The following RMDN2 variants were observed in gnomAD, a reference collection of about 807,000 sequenced individuals.
RMDN2 encodes the protein regulator of microtubule dynamics protein 2.
Under a neutral mutation model 52.8 loss-of-function variants are expected in RMDN2, and 61 were observed. The observed-to-expected ratio is 1.16, with a 90% CI of 0.94 to 1.43. The LOEUF is 1.43. Among genes scored for constraint, RMDN2 ranks in the 40% most tolerant of loss-of-function variants. RMDN2 has a pLI of 0.00. For synonymous variants in RMDN2, 180 were observed against 153.1 expected (o/e 1.18, Z -1.30); for missense variants, 592 against 475.3 (o/e 1.25, Z -2.28).
intron 6 of RMDN2, among the ~76,000 whole-genome samples, chr2:37,990,906 A>G (rs542456496): frequency 6.6e-6 from 1 of 152,298 alleles, no homozygotes; most frequent in African/African-American, 2.4e-5. Context: ...AGCTCACCTC[A>G]GAATCAGTAA....
intron 2 of RMDN2, among the ~76,000 whole-genome samples, chr2:37,972,160 A>T (rs1424554615): frequency 1.3e-5 from 2 of 152,292 alleles, no homozygotes; most frequent in East Asian, 3.9e-4. Flanking sequence ...TTTTGCTGAT[A>T]TGTAGAAATT....
chr2:38,027,215 T>TTTC (rs1249962282), intron 10 of RMDN2: 1 of 152,256 alleles, frequency 6.6e-6, no homozygotes, highest in African/African-American at 2.4e-5. Context: ...TCCTTTTGTG[T>TTTC]TTCTGCTCCA....
At chr2:38,029,793 G>A (rs1164678310) in intron 10 of RMDN2, 1 of 151,924 alleles carries the variant, frequency 6.6e-6, no homozygotes, top group Non-Finnish European at 1.5e-5. Context: ...TTTTCATGCT[G>A]CTGATAAAGA....
chr2:37,930,004 A>G (rs1195115243), intron 2 of RMDN2, among the ~76,000 whole-genome samples: 3 of 152,254 alleles, frequency 2.0e-5, no homozygotes, highest in African/African-American at 7.2e-5. Context: ...GCCAAAGTGT[A>G]TAACCTACTG....
At chr2:37,992,558 T>C (rs1435488219) in intron 7 of RMDN2, among the ~76,000 whole-genome samples, 1 of 152,262 alleles carries the variant, frequency 6.6e-6, no homozygotes, top group Non-Finnish European at 1.5e-5. Flanking sequence ...TCCCAAGTTA[T>C]CTGAAATCTC....
At chr2:37,942,107 C>T (rs1459761627) in intron 2 of RMDN2, among the ~76,000 whole-genome samples, 2 of 152,242 alleles carry the variant, frequency 1.3e-5, no homozygotes, top group South Asian at 2.1e-4. Context: ...GGCCAGATAT[C>T]TCTGTCCCTC....
intron 7 of RMDN2, among the ~76,000 whole-genome samples, chr2:37,993,828 C>T (rs1044992298): frequency 6.6e-6 from 1 of 152,112 alleles, no homozygotes; most frequent in African/African-American, 2.4e-5. Flanking sequence ...AGTGAAAATT[C>T]ATTTTCAGCC....
At chr2:37,924,358 G>C (rs190957863), upstream of RMDN2, among the ~76,000 whole-genome samples, 1 of 152,208 alleles carries the variant, frequency 6.6e-6, no homozygotes. Context: ...GGACAATACA[G>C]AAGCAGTGTA....
intron 5 of RMDN2, among the ~76,000 whole-genome samples, chr2:37,985,895 T>C (rs1372355271): frequency 6.6e-6 from 1 of 152,186 alleles, no homozygotes; most frequent in South Asian, 2.1e-4. Context: ...TGTATTAATA[T>C]TGGTTCATTG....
At chr2:37,948,940 T>C (rs1288587469) in intron 2 of RMDN2, among the ~76,000 whole-genome samples, 1 of 152,178 alleles carries the variant, frequency 6.6e-6, no homozygotes, top group East Asian at 1.9e-4. Context: ...CAGATGCTTC[T>C]TTTAGAGGCC....
chr2:38,028,288 G>A (rs1679928686), intron 10 of RMDN2: 2 of 152,106 alleles, frequency 1.3e-5, no homozygotes, highest in Admixed American at 6.5e-5. Context: ...AATTTTCAAA[G>A]CTGACAAATA....
intron 6 of RMDN2, 49 bp downstream of exon 6, chr2:37,989,665 A>G: frequency 8.3e-7 from 1 of 1,200,384 alleles, no homozygotes; most frequent in Non-Finnish European, 1.2e-6. Context: ...AGACATATGG[A>G]AGGGTATTTA....
At chr2:38,062,248 C>T (rs1460268948) in intron 10 of RMDN2, among the ~76,000 whole-genome samples, 1 of 152,202 alleles carries the variant, frequency 6.6e-6, no homozygotes, top group Non-Finnish European at 1.5e-5. Flanking sequence ...CTTTAACCCT[C>T]GACAACCACT....
chr2:38,021,773 G>A (rs1197248649), downstream of RMDN2, among the ~76,000 whole-genome samples: 1 of 152,192 alleles, frequency 6.6e-6, no homozygotes, highest in African/African-American at 2.4e-5. Flanking sequence ...GAGGCGCTCA[G>A]GTGGTAATAT....
intron 10 of RMDN2, among the ~76,000 whole-genome samples, chr2:38,040,862 C>A (rs1422447153): frequency 6.6e-6 from 1 of 152,114 alleles, no homozygotes; most frequent in African/African-American, 2.4e-5. Flanking sequence ...CATGGGATAG[C>A]TCTTCATTTA....
intron 2 of RMDN2, among the ~76,000 whole-genome samples, chr2:37,968,025 T>A (rs555131218): frequency 6.6e-6 from 1 of 152,332 alleles, no homozygotes; most frequent in East Asian, 1.9e-4. Context: ...TTCCGTGAAC[T>A]TTTTGAAGTC....
At chr2:38,059,427 C>T (rs146479761) in intron 10 of RMDN2, among the ~76,000 whole-genome samples, 63 of 152,190 alleles carry the variant, frequency 4.1e-4, no homozygotes, top group African/African-American at 1.3e-3. Flanking sequence ...ATTGGATATT[C>T]CACTTTCCAA....
chr2:38,003,604 G>GATAGGCAGA (rs1306774545), intron 8 of RMDN2, among the ~76,000 whole-genome samples: 4 of 103,164 alleles, frequency 3.9e-5, no homozygotes, highest in Admixed American at 1.1e-4. Flanking sequence ...AGATAGATAG[G>GATAGGCAGA]CAGACAGACA....
Position 38,017,440 on chromosome 2 carries a change from T to A in RMDN2, c.*201T>A. The A allele has an allele frequency of 8.2e-7, 1 of 1,223,168 alleles. No individual in the cohort carries two copies. Among genetic ancestry groups the A allele is most frequent in the South Asian group, 1.8e-5 (1 of 54,476 alleles). The allele number at this position is 1,223,168 out of a possible 1,614,324, so 75.8% of individuals were successfully genotyped here. On this transcript the variant is annotated 3_prime_UTR_variant, in exon 11 of 11. Transcript: ENST00000354545. ...TATTTGGAGAATCTATATACTATAA[T>A]GTCAATACATAATCTATAAACATGT...
Sources: gnomAD v4.1 joint callset for allele counts (sites outside exome capture counted in the v4.1 genomes callset) on GRCh38, gnomAD v4.1.1 for gene constraint, MANE v1.5 for transcripts, NCBI Gene and HGNC (gene_info 2026-07-23, HGNC 2026-07-21) for gene names.